The following EPHA4 variants were observed in gnomAD, a reference collection of about 807,000 sequenced individuals.
The protein encoded by EPHA4 is ephrin type-A receptor 4.
A neutral mutation model predicts 108.3 loss-of-function variants in EPHA4; 19 were observed. That is an observed-to-expected ratio of 0.18 (90% CI 0.12 to 0.26). EPHA4 has a LOEUF of 0.26. EPHA4 is among the 10% of genes least tolerant of loss of function. EPHA4 has a pLI of 1.00. For synonymous variants in EPHA4, 449 were observed against 455.5 expected (o/e 0.99, Z 0.18); for missense variants, 917 against 1,254.0 (o/e 0.73, Z 4.06).
At chr2:221,456,114 A>C (rs1407876682) in intron 7 of EPHA4, among the ~76,000 whole-genome samples, 1 of 152,090 alleles carries the variant, frequency 6.6e-6, no homozygotes, top group African/African-American at 2.4e-5. Flanking sequence ...AAATTTAGTC[A>C]ACCAGTCAAT....
intron 3 of EPHA4, among the ~76,000 whole-genome samples, chr2:221,550,251 C>T (rs1333395796): frequency 6.6e-6 from 1 of 152,058 alleles, no homozygotes; most frequent in Non-Finnish European, 1.5e-5. Flanking sequence ...AAAAGTGCCC[C>T]AATTCAAAGT....
chr2:221,543,578 C>T (rs1209229033), intron 3 of EPHA4, among the ~76,000 whole-genome samples: 1 of 152,148 alleles, frequency 6.6e-6, no homozygotes, highest in Non-Finnish European at 1.5e-5. Context: ...GGCTCTAAGC[C>T]ATATTTAGTT....
intron 11 of EPHA4, among the ~76,000 whole-genome samples, chr2:221,442,118 G>GT (rs1040254141): frequency 1.3e-4 from 20 of 152,320 alleles, no homozygotes; most frequent in Admixed American, 9.1e-4. Flanking sequence ...ACTGTAGTGT[G>GT]TATGAGGGCT....
At chr2:221,443,675 G>A (rs1318459156) in intron 9 of EPHA4, 69 bp from the exon 10 acceptor site, 2 of 1,145,622 alleles carry the variant, frequency 1.7e-6, no homozygotes, top group African/African-American at 3.1e-5. Flanking sequence ...AATAGTCTGG[G>A]TCTAAAATTA....
At chr2:221,465,027 T>G (rs1448475273) in intron 5 of EPHA4, among the ~76,000 whole-genome samples, 3 of 152,112 alleles carry the variant, frequency 2.0e-5, no homozygotes, top group Non-Finnish European at 4.4e-5. Flanking sequence ...AAGCTTAAAT[T>G]TAGAATGTAT....
chr2:221,571,382 G>C lies in EPHA4; in HGVS notation c.91+776C>G, dbSNP rs970859290. On this transcript the variant is annotated intron_variant, in intron 1 of 17. Transcript: ENST00000281821. The surrounding 1 kb of genome is among the most constrained non-coding windows in gnomAD (Gnocchi z 6.3). ...CACATACAATCCTCCCAGCACGTCC[G>C]AACGGATGCACAGAAAACTGAGCAC... is the stretch of plus-strand genomic sequence containing the variant. Among the ~76,000 whole-genome samples, 1 of 126,666 alleles carries C rather than the reference G, an allele frequency of 7.9e-6. No homozygotes were observed. The highest frequency in any genetic ancestry group is 2.8e-4 in the East Asian group (1 of 3,622). The allele number at this position is 126,666 out of a possible 152,430, so 83.1% of individuals were successfully genotyped here.
rs545091999 is a variant in EPHA4, at chr2:221,528,032, G to A, written c.824-26860C>T. Among the ~76,000 whole-genome samples, 23 of 102,456 alleles carry A rather than the reference G, an allele frequency of 2.2e-4. 1 individual carries two copies. The South Asian group carries it at 7.0e-3, about 31-fold the overall frequency. The allele number at this position is 102,456 out of a possible 152,430, so 67.2% of individuals were successfully genotyped here. A position where few individuals can be genotyped will look rare whatever the true frequency, so the allele number is the denominator to read the frequency against. ...CTACCTAACCACCCCCAACCCCGCC[G>A]TTTCCCCTCCCCTTCCTTCTCTGTG... On this transcript the variant is annotated intron_variant, in intron 3 of 17. Transcript: ENST00000281821.
At position 221,572,300 on chromosome 2, in the gene EPHA4, T is replaced by C. The variant is rs952612385; in HGVS notation, c.-52A>G. The C allele has an allele frequency of 5.3e-6, 8 of 1,513,684 alleles. No homozygotes were observed. Among genetic ancestry groups the C allele is most frequent in the Non-Finnish European group, 7.3e-6 (8 of 1,089,396 alleles). 93.8% of individuals were successfully genotyped at this position (1,513,684 alleles called of 1,614,324 possible). ...GCCGCTTCTATCCCAGTGGAATAAA[T>C]GCTTAAGTTAGGAGAGCAGCGGGCT... On this transcript the variant is annotated 5_prime_UTR_variant, in exon 1 of 18. Coordinates refer to ENST00000281821, the MANE Select transcript of EPHA4 (RefSeq NM_004438.5).
At chr2:221,491,981 A>G (rs978894372) in intron 4 of EPHA4, among the ~76,000 whole-genome samples, 1 of 151,936 alleles carries the variant, frequency 6.6e-6, no homozygotes. Flanking sequence ...CACCACTGGG[A>G]GACAGAGTGA....
At chr2:221,449,254 C>G (rs1167461424) in intron 8 of EPHA4, among the ~76,000 whole-genome samples, 5 of 152,172 alleles carry the variant, frequency 3.3e-5, no homozygotes, top group African/African-American at 7.2e-5. Flanking sequence ...TTTGCCTTGG[C>G]TCAGTGTAGG....
At chr2:221,477,728 T>C (rs750274380) in intron 5 of EPHA4, among the ~76,000 whole-genome samples, 33 of 152,184 alleles carry the variant, frequency 2.2e-4, no homozygotes, top group Non-Finnish European at 2.5e-4. Flanking sequence ...TAGAATTGCA[T>C]TGAGAGACCA....
At chr2:221,431,619 GTTTCT>G (rs1358491882) in intron 14 of EPHA4, among the ~76,000 whole-genome samples, 1 of 152,080 alleles carries the variant, frequency 6.6e-6, no homozygotes, top group Non-Finnish European at 1.5e-5. Context: ...GATCACCTGG[GTTTCT>G]TTTATCTTCC....
intron 15 of EPHA4, among the ~76,000 whole-genome samples, chr2:221,429,165 T>C (rs1425709023): frequency 6.6e-6 from 1 of 152,204 alleles, no homozygotes; most frequent in Admixed American, 6.5e-5. Flanking sequence ...ATAATTTAAC[T>C]GATAAAGATG....
At chr2:221,476,966 G>A (rs1054787034) in intron 5 of EPHA4, among the ~76,000 whole-genome samples, 3 of 152,064 alleles carry the variant, frequency 2.0e-5, no homozygotes, top group African/African-American at 7.2e-5. Flanking sequence ...GTAAATAAAT[G>A]TTAATCAACA....
Position 221,508,312 on chromosome 2 carries a change from C to T in EPHA4, c.824-7140G>A, listed in dbSNP as rs183575297. 1.6e-3 allele frequency among the ~76,000 whole-genome samples: 240 copies of T among 152,264 alleles called. 2 individuals are homozygous for T. Among genetic ancestry groups the T allele is most frequent in the Middle Eastern group, 6.8e-3 (2 of 292 alleles). On this transcript the variant is annotated intron_variant, in intron 3 of 17. Coordinates refer to ENST00000281821, the MANE Select transcript of EPHA4 (RefSeq NM_004438.5). ...ACATGTTTGAGGCCGGGCGTGGTGG[C>T]TCACGCCTGTAATCCCAGCACTTTG...
chr2:221,555,826 G>A (rs1694288392), intron 3 of EPHA4, among the ~76,000 whole-genome samples: 1 of 152,192 alleles, frequency 6.6e-6, no homozygotes, highest in Non-Finnish European at 1.5e-5. Flanking sequence ...AAAGCCAAGA[G>A]CTATAAATTG....
chr2:221,453,293 C>A (rs1381745885), intron 8 of EPHA4, among the ~76,000 whole-genome samples: 1 of 152,148 alleles, frequency 6.6e-6, no homozygotes, highest in East Asian at 1.9e-4. Context: ...TATTTTCTAA[C>A]AACCAAGATT....
chr2:221,444,632 G>A (rs1162320657), intron 9 of EPHA4, among the ~76,000 whole-genome samples: 1 of 151,280 alleles, frequency 6.6e-6, no homozygotes, highest in Non-Finnish European at 1.5e-5. Flanking sequence ...GAAACGAGGT[G>A]AATAAATGGA....
intron 3 of EPHA4, among the ~76,000 whole-genome samples, chr2:221,533,546 C>T (rs967829377): frequency 2.6e-5 from 4 of 152,032 alleles, no homozygotes; most frequent in Non-Finnish European, 4.4e-5. Flanking sequence ...CTACACCCAT[C>T]TGTGTGACTC....
Sources: allele counts gnomAD v4.1 joint callset (sites outside exome capture counted in the v4.1 genomes callset), GRCh38; gene constraint gnomAD v4.1.1; non-coding constraint Gnocchi (gnomAD v3.1); transcripts MANE v1.5; gene names NCBI Gene and HGNC (gene_info 2026-07-23, HGNC 2026-07-21).